GNB1L: variants seen among roughly 807,000 people sequenced by gnomAD.
GNB1L encodes the protein G protein subunit beta 1 like.
A neutral mutation model predicts 29.1 loss-of-function variants in GNB1L; 20 were observed. The ratio of observed to expected loss-of-function variants is 0.69; its 90% confidence interval spans 0.48 to 1.00. The LOEUF (loss-of-function observed/expected upper bound fraction) is 1.00. Among genes scored for constraint, GNB1L ranks in the 50% least tolerant of loss-of-function variants. The pLI, the probability that GNB1L is intolerant of heterozygous loss-of-function variation, is 0.00. For missense variants in GNB1L, 421 were observed against 464.9 expected, an observed-to-expected ratio of 0.91 and a Z score of 0.87; for synonymous variants, 193 against 206.5, an observed-to-expected ratio of 0.93 and a Z score of 0.56.
chr22:19,822,799 C>A (rs955107355), intron 2 of GNB1L, among the ~76,000 whole-genome samples: 1 of 152,210 alleles, frequency 6.6e-6, no homozygotes, highest in Non-Finnish European at 1.5e-5. Context: ...GGTTCAGAGG[C>A]AGGAGTGCTG....
At chr22:19,849,748 C>T (rs1265159906) in intron 2 of GNB1L, 1 of 985,280 alleles carries the variant, frequency 1.0e-6, no homozygotes, top group African/African-American at 1.7e-5. Context: ...CACATTTCTG[C>T]TTTTTCTTCC....
In GNB1L at chr22:19,801,992, C is replaced by T. The variant is rs748616036; in HGVS notation, c.732+9G>A. On this transcript the variant is annotated intron_variant, in intron 7 of 7. Coordinates refer to ENST00000329517, the MANE Select transcript of GNB1L (RefSeq NM_053004.3). The stretch of plus-strand genomic sequence containing the variant: ...AGGATAAATGAGACCCGGGGCCTGG[C>T]GCACTGACCTGCAGGGCCTGCTGCC... 28 of 1,566,482 alleles carry T rather than the reference C, an allele frequency of 1.8e-5. No homozygotes were observed. In the East Asian group the frequency reaches 1.9e-4, roughly 11 times the overall value.
chr22:19,851,010 T>G, intron 2 of GNB1L: 1 of 1,420,552 alleles, frequency 7.0e-7, no homozygotes, highest in South Asian at 1.6e-5. Flanking sequence ...GAGCTGGTTC[T>G]GCTCAGCGCA....
intron 7 of GNB1L, 128 bp from the exon 8 acceptor site, chr22:19,789,088 G>T (rs907028710): frequency 2.0e-6 from 2 of 989,124 alleles, no homozygotes; most frequent in South Asian, 1.6e-5. Flanking sequence ...AGGGCCACAC[G>T]CTCCTACCCA....
chr22:19,805,681 C>T lies in GNB1L; in HGVS notation c.516+978G>A, dbSNP rs575401297. Among the ~76,000 whole-genome samples, 6 of 152,240 alleles carry T rather than the reference C, an allele frequency of 3.9e-5. No individual in the cohort carries two copies. In the South Asian group the frequency reaches 1.2e-3, roughly 32 times the overall value. On this transcript the variant is annotated intron_variant, in intron 6 of 7. Coordinates refer to ENST00000329517, the MANE Select transcript of GNB1L (RefSeq NM_053004.3). ...CCTGTAGTCCCAGCTACTCAGGAGG[C>T]TGAGGCAGGAGAATGGCGTGAACCC... is the stretch of plus-strand genomic sequence containing the variant.
chr22:19,826,641 T>C (rs1319663962), intron 2 of GNB1L, among the ~76,000 whole-genome samples: 3 of 152,166 alleles, frequency 2.0e-5, no homozygotes, highest in African/African-American at 7.2e-5. Context: ...ACAGGAGATG[T>C]GTGTTGCGCC....
chr22:19,785,408 CA>C lies in GNB1L; in HGVS notation c.*3300del, dbSNP rs1028703372. On this transcript the variant is annotated 3_prime_UTR_variant, in exon 8 of 8. Coordinates refer to ENST00000329517, the MANE Select transcript of GNB1L (RefSeq NM_053004.3). The surrounding 1 kb of genome is among the most constrained non-coding windows in gnomAD (Gnocchi z 4.1). ...TGGGGGACAGAGTGAGACTCTGACT[CA>C]AAAAAAAAAACACCCCAAAAACACA... 9.6e-4 allele frequency: 130 copies of C among 134,872 alleles called. No homozygotes were observed. The highest frequency in any genetic ancestry group is 2.4e-3 in the South Asian group (10 of 4,086). 8.4% of individuals were successfully genotyped at this position (134,872 alleles called of 1,614,324 possible). A position where few individuals can be genotyped will look rare whatever the true frequency, so the allele number is the denominator to read the frequency against.
intron 2 of GNB1L, among the ~76,000 whole-genome samples, chr22:19,839,997 G>A (rs1213956786): frequency 6.6e-6 from 1 of 151,662 alleles, no homozygotes; most frequent in African/African-American, 2.4e-5. Context: ...CGTGGAGTTT[G>A]AGACTGCAGT....
chr22:19,816,981 A>C lies in GNB1L; in HGVS notation c.254+3617T>G, dbSNP rs1261422202. ...GAAGGCGGGACCGCTGGGTACCCACATGGAAACCCAGGGCCTTCACTGCAC... is the reference window on the plus strand; with the variant it reads ...GAAGGCGGGACCGCTGGGTACCCACCTGGAAACCCAGGGCCTTCACTGCAC... On this transcript the variant is annotated intron_variant, in intron 4 of 7. Transcript: ENST00000329517. This position sits in a 1 kb window ranked among gnomAD's most constrained non-coding sequence, Gnocchi z 4.4. Among the ~76,000 whole-genome samples, 1 of 152,174 alleles carries C rather than the reference A, an allele frequency of 6.6e-6. No individual in the cohort carries two copies. The highest frequency in any genetic ancestry group is 1.5e-5 in the Non-Finnish European group (1 of 68,032).
chr22:19,843,099 CT>C (rs1241519757), intron 2 of GNB1L, among the ~76,000 whole-genome samples: 1 of 152,220 alleles, frequency 6.6e-6, no homozygotes, highest in African/African-American at 2.4e-5. Flanking sequence ...CGTCTACTTT[CT>C]GAGGGGCAGA....
intron 7 of GNB1L, among the ~76,000 whole-genome samples, chr22:19,799,619 G>C (rs575763772): frequency 6.6e-6 from 1 of 152,232 alleles, no homozygotes; most frequent in African/African-American, 2.4e-5. Context: ...ACCCGCCGGG[G>C]GGAGACTGAT....
At chr22:19,851,672 G>C in intron 2 of GNB1L, 1 of 1,596,020 alleles carries the variant, frequency 6.3e-7, no homozygotes, top group Non-Finnish European at 8.6e-7. Context: ...GGAGGCCAGG[G>C]GCAGGGGACA....
At chr22:19,836,391 T>C (rs1041127918) in intron 2 of GNB1L, among the ~76,000 whole-genome samples, 1 of 79,678 alleles carries the variant, frequency 1.3e-5, no homozygotes, top group Non-Finnish European at 2.5e-5. Flanking sequence ...TTTAAATCCT[T>C]GGGGAAAAAA....
rs78594379 is a variant in GNB1L, at chr22:19,822,185, T to C, written c.-20-810A>G. On this transcript the variant is annotated intron_variant, in intron 2 of 7. Transcript: ENST00000329517. ...CTCTTGGGGAAACCGAGGCAGAGAATAGTCACTGAGCTGCACCAGGCCCCT... is the reference window on the plus strand; with the variant it reads ...CTCTTGGGGAAACCGAGGCAGAGAACAGTCACTGAGCTGCACCAGGCCCCT... Among the ~76,000 whole-genome samples, 1,277 of 152,260 alleles carry C rather than the reference T, an allele frequency of 8.4e-3. 15 individuals are homozygous for C. Among genetic ancestry groups the C allele is most frequent in the African/African-American group, 0.03 (1,232 of 41,532 alleles).
At chr22:19,809,420 A>G (rs1937473292) in intron 5 of GNB1L, among the ~76,000 whole-genome samples, 4 of 152,292 alleles carry the variant, frequency 2.6e-5, no homozygotes, top group Admixed American at 2.6e-4. Flanking sequence ...CCTTGCACTC[A>G]TTCTCCAAGC....
At chr22:19,848,046 C>T in intron 2 of GNB1L, 1 of 985,438 alleles carries the variant, frequency 1.0e-6, no homozygotes, top group South Asian at 4.7e-5. Context: ...CCTCTATTCT[C>T]TGCTCATCTG....
intron 2 of GNB1L, among the ~76,000 whole-genome samples, chr22:19,822,472 G>T (rs1004486429): frequency 2.6e-5 from 4 of 152,212 alleles, no homozygotes; most frequent in Non-Finnish European, 5.9e-5. Context: ...TGCTCTGTGG[G>T]GTGGCCCTGG....
intron 2 of GNB1L, chr22:19,851,891 T>C (rs1208175241): frequency 1.2e-6 from 2 of 1,613,936 alleles, no homozygotes; most frequent in Non-Finnish European, 1.7e-6. Context: ...GAAGGACATG[T>C]AATCGCCCAG....
intron 5 of GNB1L, among the ~76,000 whole-genome samples, chr22:19,808,216 C>G (rs560443055): frequency 6.6e-6 from 1 of 152,314 alleles, no homozygotes; most frequent in Non-Finnish European, 1.5e-5. Flanking sequence ...CCCACACAAA[C>G]GCATGCACAC....
Sources: gnomAD v4.1 joint callset for allele counts (sites outside exome capture counted in the v4.1 genomes callset) on GRCh38, gnomAD v4.1.1 for gene constraint, Gnocchi (gnomAD v3.1) non-coding constraint, MANE v1.5 for transcripts, NCBI Gene and HGNC (gene_info 2026-07-23, HGNC 2026-07-21) for gene names.